NRXN3: variants seen among roughly 807,000 people sequenced by gnomAD.
NRXN3 encodes the protein neurexin III.
In NRXN3, 32 loss-of-function variants were observed where a neutral mutation model predicts 137.6. That is an observed-to-expected ratio of 0.23 (90% CI 0.18 to 0.31). The LOEUF is 0.31. Among genes scored for constraint, NRXN3 ranks in the 10% least tolerant of loss-of-function variants. NRXN3 has a pLI of 1.00. For synonymous variants in NRXN3, 798 were observed against 784.5 expected, an observed-to-expected ratio of 1.02 and a Z score of -0.29; for missense variants, 1,574 against 2,062.5, an observed-to-expected ratio of 0.76 and a Z score of 4.59.
chr14:79,437,965 T>A (rs879446812), intron 15 of NRXN3, among the ~76,000 whole-genome samples: 39 of 152,220 alleles, frequency 2.6e-4, no homozygotes, highest in Non-Finnish European at 5.0e-4. Context: ...TCTCATTCAA[T>A]TTTTTTAGTT....
chr14:78,388,634 A>G (rs1004387737), intron 4 of NRXN3, among the ~76,000 whole-genome samples: 1 of 152,158 alleles, frequency 6.6e-6, no homozygotes, highest in African/African-American at 2.4e-5. Context: ...GAGTTGAGTG[A>G]TGGCAATAAA....
chr14:79,044,855 C>T (rs527240746), intron 15 of NRXN3, among the ~76,000 whole-genome samples: 1 of 147,238 alleles, frequency 6.8e-6, no homozygotes, highest in African/African-American at 2.5e-5. Context: ...CCCACTCCTG[C>T]TATAACCATT....
chr14:79,437,878 A>C (rs2095869163), intron 15 of NRXN3, among the ~76,000 whole-genome samples: 1 of 152,240 alleles, frequency 6.6e-6, no homozygotes, highest in African/African-American at 2.4e-5. Flanking sequence ...TGAGTTTTAC[A>C]TTTAAATGTT....
intron 16 of NRXN3, among the ~76,000 whole-genome samples, chr14:79,519,272 T>C (rs2097031995): frequency 6.6e-6 from 1 of 152,146 alleles, no homozygotes; most frequent in South Asian, 2.1e-4. Flanking sequence ...ACTTACTATT[T>C]TTAAATTTTA....
At chr14:79,114,150 A>G (rs1215451659) in intron 15 of NRXN3, among the ~76,000 whole-genome samples, 1 of 152,172 alleles carries the variant, frequency 6.6e-6, no homozygotes, top group Non-Finnish European at 1.5e-5. Context: ...TTTAGTTATC[A>G]CAAATAACTA....
rs1377018523 is a variant in NRXN3, at chr14:79,023,954, C to T, written c.3262+35813C>T. Among the ~76,000 whole-genome samples the T allele has an allele frequency of 3.3e-5, 5 of 152,124 alleles. No individual in the cohort carries two copies. The East Asian group carries it at 5.8e-4, about 18-fold the overall frequency. On this transcript the variant is annotated intron_variant, in intron 15 of 20. Transcript: ENST00000335750. The stretch of plus-strand genomic sequence containing the variant: ...CAGAGGGAACAGCCAGTGCAGAATT[C>T]ATTCTTCAAGTGGCTATGTTCCTTT...
At chr14:78,605,987 G>A (rs2097249012) in intron 4 of NRXN3, among the ~76,000 whole-genome samples, 2 of 152,114 alleles carry the variant, frequency 1.3e-5, no homozygotes, top group African/African-American at 4.8e-5. Context: ...ATGACAAAAT[G>A]TGTGAAGAAG....
intron 15 of NRXN3, among the ~76,000 whole-genome samples, chr14:79,346,704 G>A (rs145482414): frequency 2.6e-5 from 4 of 152,244 alleles, no homozygotes; most frequent in East Asian, 3.9e-4. Context: ...TGTGTGAAAT[G>A]TGTTTTTCCT....
intron 19 of NRXN3, among the ~76,000 whole-genome samples, chr14:79,781,109 A>G (rs2099112498): frequency 1.3e-5 from 2 of 152,110 alleles, no homozygotes; most frequent in African/African-American, 4.8e-5. Flanking sequence ...TTTATAAATT[A>G]ACCCCATTAT....
chr14:79,637,419 C>T (rs903192200), intron 16 of NRXN3, among the ~76,000 whole-genome samples: 4 of 152,188 alleles, frequency 2.6e-5, no homozygotes, highest in South Asian at 4.1e-4. Context: ...CCTTAAACCT[C>T]GGCATATTTG....
At chr14:78,617,956 A>G (rs570024287) in intron 4 of NRXN3, among the ~76,000 whole-genome samples, 8 of 151,058 alleles carry the variant, frequency 5.3e-5, no homozygotes, top group South Asian at 4.2e-4. Flanking sequence ...CTTTGTATCA[A>G]TTATCACCTA....
At chr14:78,902,010 G>T (rs916345939) in intron 10 of NRXN3, among the ~76,000 whole-genome samples, 1 of 152,082 alleles carries the variant, frequency 6.6e-6, no homozygotes, top group African/African-American at 2.4e-5. Flanking sequence ...TAGGGACTGA[G>T]AGTTTGATTC....
chr14:78,282,403 A>C (rs1052908338), intron 3 of NRXN3: 3 of 312,992 alleles, frequency 9.6e-6, no homozygotes, highest in African/African-American at 6.5e-5. Context: ...TCCTGCCTGG[A>C]GGGGCTGTTT....
intron 8 of NRXN3, among the ~76,000 whole-genome samples, chr14:78,717,211 A>G (rs2098438064): frequency 6.6e-6 from 1 of 152,164 alleles, no homozygotes; most frequent in South Asian, 2.1e-4. Flanking sequence ...CCAGCTGTAC[A>G]AGGTGTCTCT....
At chr14:79,316,500 A>G (rs1566776901) in intron 15 of NRXN3, among the ~76,000 whole-genome samples, 2 of 152,184 alleles carry the variant, frequency 1.3e-5, no homozygotes, top group East Asian at 3.8e-4. Flanking sequence ...GAATTGTGGA[A>G]AGAGGGGAAA....
intron 4 of NRXN3, among the ~76,000 whole-genome samples, chr14:78,474,022 G>A (rs1007189237): frequency 5.3e-5 from 8 of 152,168 alleles, no homozygotes; most frequent in Non-Finnish European, 8.8e-5. Flanking sequence ...TATGGGAGGG[G>A]CCTACAACAA....
chr14:79,576,877 A>G (rs1197605400), intron 16 of NRXN3, among the ~76,000 whole-genome samples: 1 of 152,190 alleles, frequency 6.6e-6, no homozygotes, highest in East Asian at 1.9e-4. Context: ...AGCAGTAAGG[A>G]TGGTCTTTGA....
At chr14:78,889,512 C>A (rs986213596) in intron 10 of NRXN3, among the ~76,000 whole-genome samples, 2 of 152,016 alleles carry the variant, frequency 1.3e-5, no homozygotes, top group Non-Finnish European at 2.9e-5. Context: ...ATGGCTACCT[C>A]TCAGTTTTCT....
intron 4 of NRXN3, among the ~76,000 whole-genome samples, chr14:78,587,933 T>C (rs921328320): frequency 2.6e-5 from 4 of 152,186 alleles, no homozygotes. Flanking sequence ...AATAGCTATA[T>C]CCAGTATTAT....
Sources: gnomAD v4.1 joint callset for allele counts (sites outside exome capture counted in the v4.1 genomes callset) on GRCh38, gnomAD v4.1.1 for gene constraint, MANE v1.5 for transcripts, NCBI Gene and HGNC (gene_info 2026-07-23, HGNC 2026-07-21) for gene names.